Variants in DHX57 observed in about 807,000 individuals in gnomAD.
DHX57 encodes the protein putative ATP-dependent RNA helicase DHX57.
DHX57 carries 105 observed loss-of-function variants against 156.2 expected under a neutral mutation model. The observed-to-expected ratio is 0.67, with a 90% CI of 0.57 to 0.79. The LOEUF (loss-of-function observed/expected upper bound fraction) is 0.79. DHX57 is among the 30% of genes least tolerant of loss of function. DHX57 has a pLI of 0.00. For missense variants in DHX57, 1,847 were observed against 1,661.9 expected (o/e 1.11, Z -1.94); for synonymous variants, 704 against 595.6 (o/e 1.18, Z -2.65).
chr2:38,801,506 T>C (rs1394372681), intron 23 of DHX57, among the ~76,000 whole-genome samples: 10 of 148,172 alleles, frequency 6.7e-5, no homozygotes, highest in South Asian at 2.2e-4. Flanking sequence ...GCCTCCTGGG[T>C]TCAAGTGATT....
Position 38,798,436 on chromosome 2 carries a change from C to G in DHX57, c.4024G>C (p.Glu1342Gln). The change falls in exon 24 of 24, where the codon GAA becomes CAA. Residue 1342 changes from glutamate (E) to glutamine (Q), a missense_variant. Glu to Gln is a conservative substitution (Grantham distance 29). Transcript: ENST00000457308. The stretch of plus-strand genomic sequence containing the variant: ...TCGCAACGAAGCTCCTTTACCAGTT[C>G]AGCCACCTAAAATGAAAGCTACAAT... ...RFVAASHQVA[E>Q]LVKELRCELD... 2 of 1,609,492 alleles carry G rather than the reference C, an allele frequency of 1.2e-6. No homozygotes were observed. The highest frequency in any genetic ancestry group is 2.2e-5 in the South Asian group (2 of 90,226).
rs139410063 is a variant in DHX57, at chr2:38,864,294, C to T, written c.225-775G>A. Among the ~76,000 whole-genome samples the T allele has an allele frequency of 3.0e-3, 455 of 149,642 alleles. 4 individuals carry two copies. The highest frequency in any genetic ancestry group is 0.011 in the Middle Eastern group (3 of 284). ...GGGCATTGGCTCACACCTGTAATTC[C>T]AGCACTTTAAGAGGCTGAAGTGGTA... On this transcript the variant is annotated intron_variant, in intron 2 of 23. Coordinates refer to ENST00000457308, the MANE Select transcript of DHX57 (RefSeq NM_198963.3).
chr2:38,803,973 G>A (rs1270717578), intron 22 of DHX57, among the ~76,000 whole-genome samples: 1 of 151,886 alleles, frequency 6.6e-6, no homozygotes, highest in Non-Finnish European at 1.5e-5. Flanking sequence ...GTAGAGATGG[G>A]GTTTCACCAT....
intron 22 of DHX57, among the ~76,000 whole-genome samples, chr2:38,804,376 G>A (rs977673888): frequency 1.2e-4 from 19 of 152,116 alleles, no homozygotes; most frequent in African/African-American, 4.3e-4. Flanking sequence ...TGTAATCCCA[G>A]CTACTCAGGG....
intron 14 of DHX57, among the ~76,000 whole-genome samples, 169 bp from the exon 15 acceptor site, chr2:38,826,858 C>T (rs1258758698): frequency 1.3e-5 from 2 of 152,154 alleles, no homozygotes; most frequent in African/African-American, 2.4e-5. Context: ...TGGCCGGGTA[C>T]GGTGGCTCAC....
At chr2:38,841,687 G>C (rs1334075118) in intron 12 of DHX57, among the ~76,000 whole-genome samples, 1 of 152,160 alleles carries the variant, frequency 6.6e-6, no homozygotes, top group African/African-American at 2.4e-5. Context: ...CAGGGTGACA[G>C]TCTACGGAAA....
intron 4 of DHX57, 111 bp from the exon 5 acceptor site, chr2:38,861,948 G>T: frequency 7.7e-7 from 1 of 1,291,804 alleles, no homozygotes; most frequent in Non-Finnish European, 1.0e-6. Context: ...CATAGGCAGG[G>T]CTTGTATTTT....
At chr2:38,826,727 C>A in intron 14 of DHX57, 38 bp from the exon 15 acceptor site, 1 of 1,595,086 alleles carries the variant, frequency 6.3e-7, no homozygotes, top group Non-Finnish European at 8.6e-7. Flanking sequence ...ATTCTAGCAC[C>A]TAGCACCGAA....
At chr2:38,805,799 A>G (rs1333416088) in intron 22 of DHX57, among the ~76,000 whole-genome samples, 1 of 152,092 alleles carries the variant, frequency 6.6e-6, no homozygotes, top group Admixed American at 6.6e-5. Context: ...GTTTTCCAGC[A>G]GGAGAGCTCA....
At chr2:38,842,578 T>A (rs1672065448) in intron 12 of DHX57, among the ~76,000 whole-genome samples, 1 of 151,750 alleles carries the variant, frequency 6.6e-6, no homozygotes, top group Non-Finnish European at 1.5e-5. Flanking sequence ...AAAAAAAAAA[T>A]ACATGAACCC....
chr2:38,868,394 T>C lies in DHX57; in HGVS notation c.12A>G (p.Ser4=). 1.2e-6 allele frequency: 2 copies of C among 1,613,014 alleles called. No individual in the cohort carries two copies. Among genetic ancestry groups the C allele is most frequent in the Middle Eastern group, 1.7e-4 (1 of 6,060 alleles). Residue 4 remains serine (S), a synonymous_variant, in exon 2 of 24, where the codon TCA becomes TCG. Transcript: ENST00000457308. ...TGCCTGGCTTGCCTTTTCTTCTTAC[T>C]GAAGAACTCATTTTCACCTGCAAGA... MSS[S]VRRKGKPGKG... is the part of the protein sequence containing the mutation.
At chr2:38,872,329 T>C (rs1041445647) in intron 1 of DHX57, among the ~76,000 whole-genome samples, 1 of 152,186 alleles carries the variant, frequency 6.6e-6, no homozygotes, top group South Asian at 2.1e-4. Flanking sequence ...AAATAGACAT[T>C]GAGAAATACA....
chr2:38,799,840 G>A (rs1440253619), intron 23 of DHX57, among the ~76,000 whole-genome samples: 1 of 151,254 alleles, frequency 6.6e-6, no homozygotes, highest in Non-Finnish European at 1.5e-5. Context: ...CGGATCACAA[G>A]GTCAGGAGTT....
chr2:38,827,167 A>C (rs1295274496), intron 14 of DHX57, among the ~76,000 whole-genome samples: 2 of 151,922 alleles, frequency 1.3e-5, no homozygotes, highest in Non-Finnish European at 2.9e-5. Flanking sequence ...ATAAAAGGTA[A>C]AGTCCTTTCT....
chr2:38,840,957 T>C (rs1225172483), intron 12 of DHX57, among the ~76,000 whole-genome samples: 1 of 152,178 alleles, frequency 6.6e-6, no homozygotes, highest in Non-Finnish European at 1.5e-5. Context: ...TAGCTGGGAC[T>C]ACAGGTGCCA....
chr2:38,806,598 A>G lies in DHX57; in HGVS notation c.3777T>C (p.Asp1259=), dbSNP rs749360329. The part of the protein sequence containing the change: ...SAELKFVTKN[D]GYVHIHPSSV... ...ATGAAGGGTGAATGTGTACATATCC[A>G]TCGTTCTTGGTGACAAACTTCAACT... The change falls in exon 22 of 24, where the codon GAT becomes GAC. Residue 1259 remains aspartate (D), a synonymous_variant. Transcript: ENST00000457308. The G allele has an allele frequency of 1.2e-6, 2 of 1,614,082 alleles. No individual in the cohort carries two copies. Among genetic ancestry groups the G allele is most frequent in the Non-Finnish European group, 1.7e-6 (2 of 1,180,000 alleles).
At chr2:38,810,520 G>T (rs373272614) in intron 21 of DHX57, 12 of 560,490 alleles carry the variant, frequency 2.1e-5, no homozygotes, top group African/African-American at 1.7e-4. Flanking sequence ...TCACCGACTG[G>T]CTGGCTCATC....
At chr2:38,874,397 C>T (rs1184739690) in intron 1 of DHX57, among the ~76,000 whole-genome samples, 1 of 126,200 alleles carries the variant, frequency 7.9e-6, no homozygotes, top group Non-Finnish European at 1.6e-5. Context: ...AGTTGAAATA[C>T]TGTATTTTTT....
chr2:38,865,976 C>T (rs1665050296), intron 2 of DHX57, among the ~76,000 whole-genome samples: 1 of 152,140 alleles, frequency 6.6e-6, no homozygotes, highest in African/African-American at 2.4e-5. Flanking sequence ...GTACACTGCA[C>T]AAAGGTTCCT....
Sources: gnomAD v4.1 joint callset for allele counts (sites outside exome capture counted in the v4.1 genomes callset) on GRCh38, gnomAD v4.1.1 for gene constraint, MANE v1.5 for transcripts, NCBI Gene and HGNC (gene_info 2026-07-23, HGNC 2026-07-21) for gene names.